TARM1: variants seen among roughly 807,000 people sequenced by gnomAD.
The protein encoded by TARM1 is T-cell-interacting, activating receptor on myeloid cells protein 1.
In TARM1, 24 loss-of-function variants were observed where a neutral mutation model predicts 30.4. The ratio of observed to expected loss-of-function variants is 0.79; its 90% CI spans 0.57 to 1.11. TARM1 has a LOEUF of 1.11. Among genes scored for constraint, TARM1 ranks in the 50% least tolerant of loss-of-function variants. TARM1 has a pLI of 0.00. For synonymous variants in TARM1, 129 were observed against 138.9 expected (o/e 0.93, Z 0.50); for missense variants, 323 against 332.8 (o/e 0.97, Z 0.23).
At chr19:54,071,621 C>T (rs2071814794) in intron 4 of TARM1, among the ~76,000 whole-genome samples, 1 of 151,934 alleles carries the variant, frequency 6.6e-6, no homozygotes, top group African/African-American at 2.4e-5. Context: ...AGTTCGAGAG[C>T]AGCCTGGGCA....
chr19:54,073,267 G>A (rs1184988946), intron 4 of TARM1, among the ~76,000 whole-genome samples: 1 of 151,480 alleles, frequency 6.6e-6, no homozygotes, highest in African/African-American at 2.4e-5. Flanking sequence ...AAAATTAGCC[G>A]GATGGGTGGT....
chr19:54,070,151 C>G lies in TARM1; in HGVS notation c.668G>C (p.Gly223Ala). The stretch of plus-strand genomic sequence containing the variant: ...CAGGGAGTAGTTGCTCGATGTGGTA[C>G]CTGGGGGAACTGAAAGAGAGAAGGG... ...QLEILVTVPP[G>A]TTSSNYSLGN... The change falls in exon 5 of 5, where the codon GGT (glycine) becomes GCT (alanine). Residue 223 changes from glycine to alanine, a missense_variant. Physicochemically the swap from Gly to Ala is moderately conservative, Grantham distance 60 (BLOSUM62 0). Transcript: ENST00000432826. 6.4e-7 allele frequency: 1 copy of G among 1,551,508 alleles called. No individual in the cohort carries two copies. Among genetic ancestry groups the G allele is most frequent in the Non-Finnish European group, 8.7e-7 (1 of 1,146,892 alleles).
rs1001617358 is a variant in TARM1, at chr19:54,081,199, G to A, written c.34+108C>T. 15 of 1,055,924 alleles carry A rather than the reference G, an allele frequency of 1.4e-5. 1 individual carries two copies. The highest frequency in any genetic ancestry group is 4.2e-5 in the South Asian group (3 of 72,126). 65.4% of individuals were successfully genotyped at this position (1,055,924 alleles called of 1,614,324 possible). ...CTCAGCAGGACGTCTCACTCCTCCC[G>A]TGTGCTCAGTAAGCCAAAGTTGATG... is the stretch of plus-strand genomic sequence containing the variant. On this transcript the variant is annotated intron_variant, in intron 1 of 4. Coordinates refer to ENST00000432826, the MANE Select transcript of TARM1 (RefSeq NM_001135686.3).
chr19:54,070,162 TGAAA>T lies in TARM1; in HGVS notation c.659-6_659-3del. On this transcript the variant is annotated splice_region_variant and splice_polypyrimidine_tract_variant and intron_variant, in intron 4 of 4. Transcript: ENST00000432826. ...TGCTCGATGTGGTACCTGGGGGAAC[TGAAA>T]GAGAGAAGGGGCTCAGCACTGACCC... is the stretch of plus-strand genomic sequence containing the variant. 5.8e-6 allele frequency: 9 copies of T among 1,551,324 alleles called. No individual in the cohort carries two copies. Among genetic ancestry groups the T allele is most frequent in the Non-Finnish European group, 7.8e-6 (9 of 1,146,768 alleles).
chr19:54,070,266 T>C, intron 4 of TARM1, 106 bp from the exon 5 acceptor site: 1 of 1,452,750 alleles, frequency 6.9e-7, no homozygotes, highest in Non-Finnish European at 9.1e-7. Context: ...TTTCGGTTTT[T>C]TGGTTTTTTT....
chr19:54,074,720 C>A (rs927386804), intron 3 of TARM1, 104 bp downstream of exon 3: 6 of 1,246,694 alleles, frequency 4.8e-6, no homozygotes, highest in Non-Finnish European at 6.6e-6. Flanking sequence ...TCTCCCACCA[C>A]CCCCAACTAC....
chr19:54,080,483 A>AGAGGAAGGGAGG (rs2072097252), intron 1 of TARM1, among the ~76,000 whole-genome samples: 1 of 103,254 alleles, frequency 9.7e-6, no homozygotes, highest in African/African-American at 3.8e-5. Context: ...AAAGAGAGAG[A>AGAGGAAGGGAGG]GAGGAAGGAA....
Position 54,074,036 on chromosome 19 carries a change from A to C in TARM1, c.542T>G (p.Phe181Cys), listed in dbSNP as rs1192911643. The change falls in exon 4 of 5, where the codon TTC (phenylalanine) becomes TGC (cysteine). Residue 181 changes from phenylalanine (F) to cysteine (C), a missense_variant. By Grantham distance (205) the Phe-to-Cys change is radical (BLOSUM62 -2). Transcript: ENST00000432826. ...GCCGGCTGTCACGTCCACCAGAGAGAAGTCTATCTCCTTCCCCGCTGGACT... is the reference window on the plus strand; with the variant it reads ...GCCGGCTGTCACGTCCACCAGAGAGCAGTCTATCTCCTTCCCCGCTGGACT... ...LQSPAGKEID[F>C]SLVDVTAGDA... 1.3e-6 allele frequency: 2 copies of C among 1,551,428 alleles called. No homozygotes were observed. The highest frequency in any genetic ancestry group is 1.7e-6 in the Non-Finnish European group (2 of 1,146,960).
chr19:54,080,048 G>A (rs2146226813), intron 1 of TARM1, among the ~76,000 whole-genome samples: 1 of 110,970 alleles, frequency 9.0e-6, no homozygotes, highest in Admixed American at 9.6e-5. Flanking sequence ...AAGGAAGGAA[G>A]GGAAAGAGAG....
At chr19:54,079,323 G>A (rs769339508) in intron 1 of TARM1, among the ~76,000 whole-genome samples, 4 of 151,660 alleles carry the variant, frequency 2.6e-5, no homozygotes, top group South Asian at 2.1e-4. Flanking sequence ...GGAGGACCGC[G>A]GCAAATACAG....
intron 4 of TARM1, 129 bp downstream of exon 4, chr19:54,073,791 C>G: frequency 8.1e-7 from 1 of 1,236,776 alleles, no homozygotes; most frequent in Non-Finnish European, 1.1e-6. Context: ...CCACGCCAGG[C>G]CAGAAAGGGA....
chr19:54,073,830 A>C, intron 4 of TARM1, 90 bp downstream of exon 4: 2 of 1,417,370 alleles, frequency 1.4e-6, no homozygotes, highest in Non-Finnish European at 1.9e-6. Context: ...TGATATTGTA[A>C]GTAATGAAGA....
At chr19:54,070,774 G>A (rs1162082705) in intron 4 of TARM1, among the ~76,000 whole-genome samples, 4 of 150,952 alleles carry the variant, frequency 2.6e-5, no homozygotes, top group African/African-American at 7.3e-5. Context: ...CACCACACCC[G>A]GCTAATTTTG....
intron 1 of TARM1, among the ~76,000 whole-genome samples, chr19:54,078,246 T>G (rs2072010499): frequency 6.9e-6 from 1 of 144,574 alleles, no homozygotes; most frequent in Non-Finnish European, 1.5e-5. Flanking sequence ...AGTGCAATGA[T>G]GTGATCCTAG....
At chr19:54,071,862 C>A (rs1246674716) in intron 4 of TARM1, among the ~76,000 whole-genome samples, 1 of 150,646 alleles carries the variant, frequency 6.6e-6, no homozygotes, top group African/African-American at 2.4e-5. Context: ...AAAACCCTAG[C>A]CTCCAGATTT....
Position 54,074,143 on chromosome 19 carries a change from C to T in TARM1, c.435G>A (p.Gln145=). The stretch of plus-strand genomic sequence containing the variant: ...CAAACAATTGGTCTCGCTTCTGGCA[C>T]TGCAGAGTCACCCTTCCACCTGCGG... ...TVTAGGRVTL[Q]CQKRDQLFVP... The change falls in exon 4 of 5, where the codon CAG becomes CAA. Residue 145 remains glutamine (Q), a synonymous_variant. Coordinates refer to ENST00000432826, the MANE Select transcript of TARM1 (RefSeq NM_001135686.3). 6.4e-7 allele frequency: 1 copy of T among 1,551,714 alleles called. No homozygotes were observed. Among genetic ancestry groups the T allele is most frequent in the Non-Finnish European group, 8.7e-7 (1 of 1,146,998 alleles).
At chr19:54,074,726 A>G in intron 3 of TARM1, 98 bp downstream of exon 3, 1 of 1,287,840 alleles carries the variant, frequency 7.8e-7, no homozygotes, top group South Asian at 1.5e-5. Flanking sequence ...ACCACCCCCA[A>G]CTACTCTGAA....
chr19:54,073,869 C>T, intron 4 of TARM1, 51 bp downstream of exon 4: 1 of 1,511,564 alleles, frequency 6.6e-7, no homozygotes, highest in Non-Finnish European at 9.0e-7. Context: ...ACAAAACAAT[C>T]TCTGATTAAA....
rs587635076 is a variant in TARM1, at chr19:54,074,011, G to A, written c.567C>T (p.Gly189=). The change falls in exon 4 of 5, where the codon GGC becomes GGT. Residue 189 remains glycine, a synonymous_variant. Transcript: ENST00000432826. The part of the protein sequence containing the change: ...IDFSLVDVTA[G]DAGNYSCMYY... The stretch of plus-strand genomic sequence containing the variant: ...ACATGCAGCTGTAGTTCCCAGCATC[G>A]CCGGCTGTCACGTCCACCAGAGAGA... 84 of 1,551,596 alleles carry A rather than the reference G, an allele frequency of 5.4e-5. No individual in the cohort carries two copies. The highest frequency in any genetic ancestry group is 1.7e-4 in the East Asian group (7 of 40,912).
Sources: allele counts gnomAD v4.1 joint callset (sites outside exome capture counted in the v4.1 genomes callset), GRCh38; gene constraint gnomAD v4.1.1; transcripts MANE v1.5; gene names NCBI Gene and HGNC (gene_info 2026-07-23, HGNC 2026-07-21).